AKAP10: variants seen among roughly 807,000 people sequenced by gnomAD.
The protein encoded by AKAP10 is A-kinase anchor protein 10, mitochondrial.
In AKAP10, 24 loss-of-function variants were observed where a neutral mutation model predicts 80.8. The observed-to-expected ratio is 0.30, with a 90% CI of 0.22 to 0.42. The LOEUF is 0.42. AKAP10 is among the 10% of genes least tolerant of loss of function. AKAP10 has a pLI of 1.00. For missense variants in AKAP10, 661 were observed against 794.9 expected (o/e 0.83, Z 2.03); for synonymous variants, 291 against 277.7 (o/e 1.05, Z -0.48).
rs536022615 is a variant in AKAP10, at chr17:19,907,095, G to A, written c.1984-863C>T. ...TGCACTGGTGCAATCTCAGCTCACC[G>A]CAACCTCTGCCTCCCGGGTTCAAGC... On this transcript the variant is annotated intron_variant, in intron 14 of 14. Transcript: ENST00000225737. Among the ~76,000 whole-genome samples, 138 of 151,304 alleles carry A rather than the reference G, an allele frequency of 9.1e-4. 1 individual carries two copies. The highest frequency in any genetic ancestry group is 3.4e-3 in the Middle Eastern group (1 of 294).
At chr17:19,965,585 TAAG>T (rs937395270) in intron 2 of AKAP10, among the ~76,000 whole-genome samples, 3 of 152,176 alleles carry the variant, frequency 2.0e-5, no homozygotes, top group Non-Finnish European at 4.4e-5. Flanking sequence ...TATCCTCAAA[TAAG>T]AAGCTGGGCT....
At chr17:19,930,756 G>GC (rs1397044061) in intron 10 of AKAP10, among the ~76,000 whole-genome samples, 2 of 152,146 alleles carry the variant, frequency 1.3e-5, no homozygotes, top group Non-Finnish European at 2.9e-5. Context: ...CTGTCACCAT[G>GC]CAGGAGTGCA....
At chr17:19,910,526 G>T (rs1379548367) in intron 12 of AKAP10, among the ~76,000 whole-genome samples, 1 of 152,164 alleles carries the variant, frequency 6.6e-6, no homozygotes, top group Non-Finnish European at 1.5e-5. Flanking sequence ...TTTTGAAAAG[G>T]TGTTTCAGAG....
At chr17:19,975,923 T>C (rs2043559910) in intron 1 of AKAP10, among the ~76,000 whole-genome samples, 1 of 152,220 alleles carries the variant, frequency 6.6e-6, no homozygotes, top group Non-Finnish European at 1.5e-5. Flanking sequence ...GGTATACCCC[T>C]GCCTTACCAA....
chr17:19,916,664 A>G (rs2042745798), intron 12 of AKAP10, among the ~76,000 whole-genome samples: 1 of 151,544 alleles, frequency 6.6e-6, no homozygotes, highest in South Asian at 2.1e-4. Context: ...CAGGCCAGGC[A>G]CGGTGGCTCA....
intron 13 of AKAP10, among the ~76,000 whole-genome samples, chr17:19,909,515 G>A (rs1188037153): frequency 6.6e-6 from 1 of 152,036 alleles, no homozygotes; most frequent in Non-Finnish European, 1.5e-5. Context: ...CATATTAGAT[G>A]GTCAAAATAA....
chr17:19,940,038 C>T (rs746042276), intron 7 of AKAP10, among the ~76,000 whole-genome samples, 189 bp from the exon 8 acceptor site: 14 of 151,800 alleles, frequency 9.2e-5, no homozygotes, highest in Non-Finnish European at 1.8e-4. Flanking sequence ...TTCTTTTAGA[C>T]GAAAAAAAAG....
At chr17:19,958,842 C>CTTTTTTTTTTTTTTTTTTTTTTTTT (rs772496178) in intron 3 of AKAP10, among the ~76,000 whole-genome samples, 1 of 92,936 alleles carries the variant, frequency 1.1e-5, no homozygotes. Context: ...CATGTAAATT[C>CTTTTTTTTTTTTTTTTTTTTTTTTT]TTTTTTTTTT....
At chr17:19,946,269 ATATATATTTTTTTT>A (rs1377595864) in intron 5 of AKAP10, among the ~76,000 whole-genome samples, 5 of 26,020 alleles carry the variant, frequency 1.9e-4, no homozygotes, top group African/African-American at 3.4e-4. Flanking sequence ...ATATATATAT[ATATATATTTTTTTT>A]TTTTTTTTTT....
intron 7 of AKAP10, among the ~76,000 whole-genome samples, 190 bp from the exon 8 acceptor site, chr17:19,940,039 GA>G (rs75979105): frequency 2.0e-5 from 3 of 151,960 alleles, no homozygotes; most frequent in East Asian, 1.9e-4. Context: ...TCTTTTAGAC[GA>G]AAAAAAAGTT....
At chr17:19,917,709 C>T (rs1172042821) in intron 12 of AKAP10, among the ~76,000 whole-genome samples, 3 of 152,158 alleles carry the variant, frequency 2.0e-5, no homozygotes, top group South Asian at 4.2e-4. Context: ...CCAAGGTGGG[C>T]GGATCACTTG....
Position 19,909,244 on chromosome 17 carries a change from T to C in AKAP10, c.1920A>G (p.Lys640=), listed in dbSNP as rs1419802577. The C allele has an allele frequency of 1.2e-6, 2 of 1,613,650 alleles. No homozygotes were observed. Among genetic ancestry groups the C allele is most frequent in the South Asian group, 2.2e-5 (2 of 91,022 alleles). The part of the protein sequence containing the change: ...AQEELAWKIA[K]MIVSDIMQQA... The stretch of plus-strand genomic sequence containing the variant: ...GCTGCATAATGTCACTGACTATCAT[T>C]TTAGCAATCTTCCAAGCTAGCTCTT... Residue 640 remains lysine, a synonymous_variant, in exon 14 of 15, where the codon AAA becomes AAG. Transcript: ENST00000225737.
intron 10 of AKAP10, among the ~76,000 whole-genome samples, chr17:19,930,084 G>A (rs998300961): frequency 2.0e-5 from 3 of 150,494 alleles, no homozygotes; most frequent in African/African-American, 7.3e-5. Context: ...TTATCTCCTA[G>A]GTAAACTTAA....
At chr17:19,977,447 G>C (rs2152420545) in intron 1 of AKAP10, 145 bp downstream of exon 1, 1 of 536,602 alleles carries the variant, frequency 1.9e-6, no homozygotes. Flanking sequence ...CCGGAGCAGA[G>C]CAAGGCACTC....
chr17:19,912,695 A>G (rs185993752), intron 12 of AKAP10, among the ~76,000 whole-genome samples: 4 of 152,356 alleles, frequency 2.6e-5, no homozygotes, highest in African/African-American at 9.6e-5. Context: ...AGCCTGGGCC[A>G]TAGAGCAAGA....
intron 12 of AKAP10, 22 bp from the exon 13 acceptor site, chr17:19,910,000 G>A (rs768794508): frequency 6.2e-7 from 1 of 1,609,488 alleles, no homozygotes; most frequent in South Asian, 1.1e-5. Context: ...AGACAAAATT[G>A]AATGTACATT....
At position 19,968,416 on chromosome 17, in the gene AKAP10, T is replaced by C. The variant is rs759871873; in HGVS notation, c.134A>G (p.Lys45Arg). The C allele has an allele frequency of 6.2e-7, 1 of 1,613,348 alleles. No individual in the cohort carries two copies. Among genetic ancestry groups the C allele is most frequent in the Non-Finnish European group, 8.5e-7 (1 of 1,179,624 alleles). The change falls in exon 2 of 15, where the codon AAA becomes AGA. Residue 45 changes from lysine (K) to arginine (R), a missense_variant and splice_region_variant. Transcript: ENST00000225737. ...GGACTGCCAAGGGCAGAACTTACCT[T>C]TAATGGACTTCACATCTGAGGTCTT... is the stretch of plus-strand genomic sequence containing the variant. ...QEKTSDVKSI[K>R]ASISVHSPQK...
intron 11 of AKAP10, 21 bp from the exon 12 acceptor site, chr17:19,920,139 G>A: frequency 1.3e-6 from 2 of 1,531,124 alleles, no homozygotes; most frequent in Non-Finnish European, 1.8e-6. Flanking sequence ...ATGAACAGAA[G>A]ACTTTAACTT....
intron 12 of AKAP10, among the ~76,000 whole-genome samples, chr17:19,916,390 C>T (rs2042742279): frequency 1.3e-5 from 2 of 152,164 alleles, no homozygotes; most frequent in African/African-American, 4.8e-5. Context: ...GTAGGCACTC[C>T]ACTGTTCTAT....
Sources: allele counts gnomAD v4.1 joint callset (sites outside exome capture counted in the v4.1 genomes callset), GRCh38; gene constraint gnomAD v4.1.1; transcripts MANE v1.5; gene names NCBI Gene and HGNC (gene_info 2026-07-23, HGNC 2026-07-21).